DCAF10: variants seen among roughly 807,000 people sequenced by gnomAD.
DCAF10 encodes DDB1 and CUL4 associated factor 10, also known as DDB1- and CUL4-associated factor 10.
In DCAF10, 19 loss-of-function variants were observed where a neutral mutation model predicts 51.9. That is an observed-to-expected ratio of 0.37 (90% confidence interval 0.26 to 0.54). The LOEUF is 0.54. DCAF10 is among the 20% of genes least tolerant of loss of function. DCAF10 has a pLI of 0.87. For missense variants in DCAF10, 510 were observed against 730.6 expected (o/e 0.70, Z 3.48); for synonymous variants, 291 against 297.1 (o/e 0.98, Z 0.21).
At chr9:37,854,018 AAC>A (rs1830771760) in intron 3 of DCAF10, among the ~76,000 whole-genome samples, 1 of 152,208 alleles carries the variant, frequency 6.6e-6, no homozygotes, top group African/African-American at 2.4e-5. Context: ...TGATTAAAAC[AAC>A]ATGTATTATT....
chr9:37,850,842 A>G (rs528457218), intron 3 of DCAF10, among the ~76,000 whole-genome samples: 813 of 27,216 alleles, frequency 0.03, 12 homozygotes, highest in South Asian at 0.046. Context: ...ATATATATAT[A>G]TATATATATA....
chr9:37,808,702 T>TAAAA (rs1829222962), intron 1 of DCAF10, among the ~76,000 whole-genome samples: 14 of 1,072 alleles, frequency 0.013, no homozygotes, highest in African/African-American at 0.025. Flanking sequence ...TATTTATATA[T>TAAAA]TTATATTTAT....
chr9:37,844,390 C>T (rs1830418133), intron 3 of DCAF10, among the ~76,000 whole-genome samples: 1 of 152,224 alleles, frequency 6.6e-6, no homozygotes, highest in African/African-American at 2.4e-5. Context: ...GTGGCTCACA[C>T]CTGTAATCCC....
Position 37,801,496 on chromosome 9 carries a change from G to T in DCAF10, c.539+91G>T. The T allele has an allele frequency of 7.5e-7, 1 of 1,329,170 alleles. No homozygotes were observed. 82.3% of individuals were successfully genotyped at this position (1,329,170 alleles called of 1,614,324 possible). On this transcript the variant is annotated intron_variant, in intron 1 of 6. Transcript: ENST00000377724. This position sits in a 1 kb window ranked among gnomAD's most constrained non-coding sequence, Gnocchi z 5.5. Reference sequence around the variant, plus strand: ...TCCTGGGCTCGCTCCCCGCGCCCGGGCCGAGGTTAGCGAGGCCGTTTGGGG... The same window carrying T: ...TCCTGGGCTCGCTCCCCGCGCCCGGTCCGAGGTTAGCGAGGCCGTTTGGGG...
At chr9:37,822,381 C>T (rs891973564) in intron 2 of DCAF10, among the ~76,000 whole-genome samples, 3 of 131,940 alleles carry the variant, frequency 2.3e-5, no homozygotes, top group African/African-American at 8.7e-5. Flanking sequence ...GCCCATTAAT[C>T]AATGAATGGA....
intron 1 of DCAF10, among the ~76,000 whole-genome samples, chr9:37,803,559 C>T (rs1829021560): frequency 6.6e-6 from 1 of 151,406 alleles, no homozygotes; most frequent in African/African-American, 2.4e-5. Context: ...ATGCCTGTCT[C>T]CTCATACCCT....
At chr9:37,836,084 T>G in intron 2 of DCAF10, 1 of 1,198,306 alleles carries the variant, frequency 8.3e-7, no homozygotes, top group Non-Finnish European at 1.2e-6. Context: ...TTGCTGTGCT[T>G]GATGCTAAAG....
At position 37,860,115 on chromosome 9, in the gene DCAF10, C is replaced by T; in HGVS notation, c.1233C>T (p.Asn411=). The stretch of plus-strand genomic sequence containing the variant: ...TTCTTGGTGAGAGTGACCACGGAAA[C>T]TGCATCACGTCCTTACAGCTGCACC... ...PEVLGESDHG[N]CITSLQLHPK... is the part of the protein sequence containing the mutation. The change falls in exon 6 of 7, where the codon AAC becomes AAT. Residue 411 remains asparagine, a synonymous_variant. Transcript: ENST00000377724. 6.2e-7 allele frequency: 1 copy of T among 1,614,134 alleles called. No homozygotes were observed. The highest frequency in any genetic ancestry group is 8.5e-7 in the Non-Finnish European group (1 of 1,180,020).
chr9:37,860,039 A>G lies in DCAF10; in HGVS notation c.1166-9A>G, dbSNP rs1587135324. ...ACAAATCCCACATCCTCATTTTCTT[A>G]TATCTCAGGAGTTTCACCACGAAAT... On this transcript the variant is annotated splice_polypyrimidine_tract_variant and intron_variant, in intron 5 of 6. Transcript: ENST00000377724. 6 of 1,613,692 alleles carry G rather than the reference A, an allele frequency of 3.7e-6. No homozygotes were observed. The highest frequency in any genetic ancestry group is 1.3e-5 in the African/African-American group (1 of 74,884).
upstream of DCAF10, chr9:37,800,787 C>A (rs1289033383): frequency 6.6e-7 from 1 of 1,517,400 alleles, no homozygotes; most frequent in Non-Finnish European, 8.8e-7. Flanking sequence ...CGCTGCACGC[C>A]GGAAGTGGCA....
chr9:37,849,885 C>G (rs563740008), intron 3 of DCAF10, among the ~76,000 whole-genome samples: 89 of 152,152 alleles, frequency 5.8e-4, no homozygotes, highest in African/African-American at 2.1e-3. Flanking sequence ...ATCTCAACAA[C>G]AACAACAACA....
At chr9:37,836,044 G>T in intron 2 of DCAF10, 1 of 1,097,616 alleles carries the variant, frequency 9.1e-7, no homozygotes, top group Non-Finnish European at 1.4e-6. Flanking sequence ...CGCCGCCACG[G>T]TAAGGCTGTA....
At chr9:37,849,878 TCAA>T (rs375666077) in intron 3 of DCAF10, among the ~76,000 whole-genome samples, 13 of 151,960 alleles carry the variant, frequency 8.6e-5, no homozygotes, top group South Asian at 2.1e-4. Context: ...AGACTCCATC[TCAA>T]CAACAACAAC....
At chr9:37,817,530 G>A (rs529632695) in intron 1 of DCAF10, among the ~76,000 whole-genome samples, 2 of 152,100 alleles carry the variant, frequency 1.3e-5, no homozygotes, top group East Asian at 3.9e-4. Context: ...CCAGGGAGGT[G>A]GAGGTTGCAG....
rs1831150802 is a variant in DCAF10 at position 37,867,034 on chromosome 9, G to T, written c.*5526G>T. On this transcript the variant is annotated 3_prime_UTR_variant, in exon 7 of 7. Coordinates refer to ENST00000377724, the MANE Select transcript of DCAF10 (RefSeq NM_024345.5). ...GTCTCATTATAAAATAAGATTATAT[G>T]AAATTTATATTCTAGAAATGATTCC... 1.3e-5 allele frequency: 2 copies of T among 152,142 alleles called. No homozygotes were observed. The highest frequency in any genetic ancestry group is 4.1e-4 in the South Asian group (2 of 4,830). The allele number at this position is 152,142 out of a possible 1,614,324, so 9.4% of individuals were successfully genotyped here.
At chr9:37,802,245 C>G (rs1038813285) in intron 1 of DCAF10, among the ~76,000 whole-genome samples, 1 of 152,144 alleles carries the variant, frequency 6.6e-6, no homozygotes, top group South Asian at 2.1e-4. Flanking sequence ...CCATGCTGAG[C>G]AAAACCAGCT....
intron 2 of DCAF10, among the ~76,000 whole-genome samples, chr9:37,832,829 A>G (rs1830045920): frequency 6.6e-6 from 1 of 152,206 alleles, no homozygotes; most frequent in South Asian, 2.1e-4. Flanking sequence ...GAGGCCCTTG[A>G]ATATTTATAC....
At chr9:37,857,115 T>C (rs1830870483) in intron 4 of DCAF10, 126 bp from the exon 5 acceptor site, 2 of 620,612 alleles carry the variant, frequency 3.2e-6, no homozygotes, top group Admixed American at 3.3e-5. Context: ...CTCAGTCTTA[T>C]AGGCCAGTGA....
At chr9:37,813,696 A>G (rs953663723) in intron 1 of DCAF10, among the ~76,000 whole-genome samples, 8 of 152,242 alleles carry the variant, frequency 5.3e-5, no homozygotes, top group African/African-American at 1.4e-4. Context: ...AATTCATACA[A>G]TTTCCAAGCA....
Sources: gnomAD v4.1 joint callset for allele counts (sites outside exome capture counted in the v4.1 genomes callset) on GRCh38, gnomAD v4.1.1 for gene constraint, Gnocchi (gnomAD v3.1) non-coding constraint, MANE v1.5 for transcripts, NCBI Gene and HGNC (gene_info 2026-07-23, HGNC 2026-07-21) for gene names.